The following DCAF8L2 variants were observed in gnomAD, a reference collection of about 807,000 sequenced individuals.
DCAF8L2 encodes the protein DDB1- and CUL4-associated factor 8-like protein 2.
For synonymous variants in DCAF8L2, 200 were observed against 190.9 expected (o/e 1.05, Z -0.39); for missense variants, 430 against 490.7 (o/e 0.88, Z 1.17).
the DCAF8L2 span, among the ~76,000 whole-genome samples, chrX:27,566,979 C>G: frequency 1.8e-5 from 2 of 110,914 alleles, no homozygotes; most frequent in African/African-American, 3.3e-5. Flanking sequence ...TCTCTTTGAC[C>G]CAATGGTTGT....
chrX:27,513,887 A>G, the DCAF8L2 span, among the ~76,000 whole-genome samples: 1 of 112,074 alleles, frequency 8.9e-6, no homozygotes, highest in South Asian at 3.7e-4. Flanking sequence ...ACACAAAATA[A>G]TAACAAATGC....
At chrX:27,573,217 A>G in the DCAF8L2 span, among the ~76,000 whole-genome samples, 1 of 103,659 alleles carries the variant, frequency 9.6e-6, no homozygotes, top group Admixed American at 1.1e-4. Context: ...AAAATAAAAG[A>G]ACAGGTATTT....
At chrX:27,721,861 T>C (rs1311793101) in intron 4 of DCAF8L2, among the ~76,000 whole-genome samples, 4 of 111,641 alleles carry the variant, frequency 3.6e-5, no homozygotes, top group Admixed American at 9.5e-5. Flanking sequence ...TTTCCCTAGA[T>C]AATTGGAGAA....
At chrX:27,576,904 C>T in the DCAF8L2 span, among the ~76,000 whole-genome samples, 3 of 111,656 alleles carry the variant, frequency 2.7e-5, no homozygotes, top group African/African-American at 9.8e-5. Flanking sequence ...AATATTATGT[C>T]AGAGCTCTGT....
At chrX:27,708,701 A>C (rs1010034788) in intron 3 of DCAF8L2, among the ~76,000 whole-genome samples, 1 of 112,288 alleles carries the variant, frequency 8.9e-6, no homozygotes, top group African/African-American at 3.2e-5. Flanking sequence ...TTGCTACAGA[A>C]GAATTTTCAG....
the DCAF8L2 span, among the ~76,000 whole-genome samples, chrX:27,497,509 T>TTTCTCTTTCCTTCCTTCC: frequency 4.9e-4 from 23 of 46,484 alleles, no homozygotes; most frequent in East Asian, 2.8e-3. Context: ...TCTTTCTTTC[T>TTTCTCTTTCCTTCCTTCC]TTCCTTCCTT....
the DCAF8L2 span, among the ~76,000 whole-genome samples, chrX:27,505,422 A>G: frequency 8.9e-6 from 1 of 112,252 alleles, no homozygotes; most frequent in Admixed American, 9.5e-5. Flanking sequence ...TTTATTACTT[A>G]TTAAAAAGTA....
chrX:27,717,074 T>A lies in DCAF8L2; in HGVS notation c.-59+903T>A, dbSNP rs948467224. On this transcript the variant is annotated intron_variant, in intron 4 of 4. Coordinates refer to ENST00000451261, the MANE Select transcript of DCAF8L2 (RefSeq NM_001353450.2). ...CAAAGGACATGATCTCGTTCCTTTT[T>A]ATGCCTGCATAATATTCCGTAGTGT... Among the ~76,000 whole-genome samples, 3 of 112,479 alleles carry A rather than the reference T, an allele frequency of 2.7e-5. No individual in the cohort carries two copies. The Admixed American group carries it at 2.8e-4, about 11-fold the overall frequency.
intron 2 of DCAF8L2, 71 bp from the exon 3 acceptor site, chrX:27,677,765 T>C (rs1236906059): frequency 1.8e-5 from 2 of 111,904 alleles, no homozygotes; most frequent in East Asian, 2.8e-4. Flanking sequence ...AGAATATTTA[T>C]TGGACTTGAA....
At chrX:27,733,939 G>A (rs1033905503) in intron 4 of DCAF8L2, among the ~76,000 whole-genome samples, 3 of 111,338 alleles carry the variant, frequency 2.7e-5, no homozygotes, top group Non-Finnish European at 5.6e-5. Context: ...AATACCACAT[G>A]ATCATCTCAA....
intron 1 of DCAF8L2, among the ~76,000 whole-genome samples, chrX:27,598,980 T>A (rs1230578017): frequency 4.8e-5 from 5 of 103,269 alleles, no homozygotes; most frequent in Non-Finnish European, 9.8e-5. Flanking sequence ...AAAAAATATA[T>A]ATATATATAT....
chrX:27,721,751 T>C (rs1931908554), intron 4 of DCAF8L2, among the ~76,000 whole-genome samples: 1 of 111,991 alleles, frequency 8.9e-6, no homozygotes, highest in Non-Finnish European at 1.9e-5. Flanking sequence ...TCACAAACTA[T>C]TTTATGCAGC....
chrX:27,587,885 C>A (rs1335316237), upstream of DCAF8L2, among the ~76,000 whole-genome samples: 1 of 106,519 alleles, frequency 9.4e-6, no homozygotes, highest in Non-Finnish European at 1.9e-5. Flanking sequence ...GGCCCTCAGT[C>A]GTATAACTAG....
intron 2 of DCAF8L2, among the ~76,000 whole-genome samples, chrX:27,665,258 A>G (rs1252479143): frequency 1.8e-5 from 2 of 111,186 alleles, no homozygotes; most frequent in Non-Finnish European, 3.8e-5. Context: ...TCTAAACTTG[A>G]TAGATGACTT....
chrX:27,663,005 T>C (rs1032639189), intron 2 of DCAF8L2, among the ~76,000 whole-genome samples: 2 of 112,032 alleles, frequency 1.8e-5, no homozygotes, highest in Non-Finnish European at 3.8e-5. Flanking sequence ...TCCTATTGCA[T>C]TCCTATTATC....
chrX:27,681,760 G>T (rs1930337471), intron 3 of DCAF8L2, among the ~76,000 whole-genome samples: 1 of 111,245 alleles, frequency 9.0e-6, no homozygotes, highest in South Asian at 3.8e-4. Context: ...AATCTTTCTG[G>T]ACCCCAGATT....
the DCAF8L2 span, chrX:27,519,605 A>G: frequency 3.1e-6 from 2 of 652,476 alleles, no homozygotes; most frequent in Non-Finnish European, 5.2e-6. Context: ...GAAAACGAAC[A>G]TGATGAGAAT....
the DCAF8L2 span, chrX:27,519,319 C>A: frequency 9.3e-7 from 1 of 1,079,627 alleles, no homozygotes; most frequent in Non-Finnish European, 1.3e-6. Flanking sequence ...AGCAGAGCGG[C>A]TTGAAAAGGA....
the DCAF8L2 span, among the ~76,000 whole-genome samples, chrX:27,544,211 C>T: frequency 3.6e-5 from 4 of 111,585 alleles, no homozygotes; most frequent in African/African-American, 9.8e-5. Context: ...TCTTTTGCCA[C>T]CATAAACTGT....
Sources: gnomAD v4.1 joint callset for allele counts (sites outside exome capture counted in the v4.1 genomes callset) on GRCh38, gnomAD v4.1.1 for gene constraint, MANE v1.5 for transcripts, NCBI Gene and HGNC (gene_info 2026-07-23, HGNC 2026-07-21) for gene names.